Variants in SLC25A6 observed in about 807,000 individuals in gnomAD.
SLC25A6 encodes the protein solute carrier family 25 member 6, also known as ADP/ATP translocase 3.
Under a neutral mutation model 25.7 loss-of-function variants are expected in SLC25A6, and 9 were observed. The ratio of observed to expected loss-of-function variants is 0.35; its 90% CI spans 0.21 to 0.61. SLC25A6 has a LOEUF of 0.61. Among genes scored for constraint, SLC25A6 ranks in the 20% least tolerant of loss-of-function variants. SLC25A6 has a pLI of 0.76. For synonymous variants in SLC25A6, 223 were observed against 197.0 expected, an observed-to-expected ratio of 1.13 and a Z score of -1.11; for missense variants, 404 against 440.5, an observed-to-expected ratio of 0.92 and a Z score of 0.74.
In SLC25A6 at chrX:1,386,446, T is replaced by G. The variant is rs1269761341; in HGVS notation, c.*156A>C. The G allele has an allele frequency of 4.7e-6, 5 of 1,052,930 alleles. No homozygotes were observed. The highest frequency in any genetic ancestry group is 3.2e-5 in the Admixed American group (1 of 30,800). 65.2% of individuals were successfully genotyped at this position (1,052,930 alleles called of 1,614,324 possible). On this transcript the variant is annotated 3_prime_UTR_variant, in exon 4 of 4. Transcript: ENST00000381401. ...CGATGGTTGGATCGCAATGCGCCCC[T>G]TTTCTAGAGCCTTCCCCGGCCATCT...
At position 1,386,464 on chromosome X, in the gene SLC25A6, G is replaced by A. The variant is rs753635916; in HGVS notation, c.*138C>T. ...GCGCCCCTTTTCTAGAGCCTTCCCC[G>A]GCCATCTACAGGCAGGATGCGGCTG... On this transcript the variant is annotated 3_prime_UTR_variant, in exon 4 of 4. Transcript: ENST00000381401. 6.5e-5 allele frequency: 75 copies of A among 1,158,958 alleles called. No homozygotes were observed. In the East Asian group the frequency reaches 1.2e-3, roughly 19 times the overall value. The allele number at this position is 1,158,958 out of a possible 1,614,324, so 71.8% of individuals were successfully genotyped here.
In SLC25A6 at chrX:1,386,502, C is replaced by T. The variant is rs1192912299; in HGVS notation, c.*100G>A. ...CAGGATGCGGCTGGGAAAAAGACAA[C>T]TGGAATTTCTCGAAGGTTGATGGTC... On this transcript the variant is annotated 3_prime_UTR_variant, in exon 4 of 4. Transcript: ENST00000381401. 20 of 1,335,192 alleles carry T rather than the reference C, an allele frequency of 1.5e-5. No individual in the cohort carries two copies. The highest frequency in any genetic ancestry group is 2.3e-5 in the South Asian group (1 of 43,790). 82.7% of individuals were successfully genotyped at this position (1,335,192 alleles called of 1,614,324 possible).
chrX:1,386,574 T>C lies in SLC25A6; in HGVS notation c.*28A>G. ...TGGTTCTCTTGGTTCCCCTGGTGTGTGTGTGTGTGTGGAGGAGGCCGCGGC... is the reference window on the plus strand; with the variant it reads ...TGGTTCTCTTGGTTCCCCTGGTGTGCGTGTGTGTGTGGAGGAGGCCGCGGC... On this transcript the variant is annotated 3_prime_UTR_variant, in exon 4 of 4. Coordinates refer to ENST00000381401, the MANE Select transcript of SLC25A6 (RefSeq NM_001636.4). 1 of 1,514,994 alleles carries C rather than the reference T, an allele frequency of 6.6e-7. No homozygotes were observed. Among genetic ancestry groups the C allele is most frequent in the Non-Finnish European group, 8.8e-7 (1 of 1,133,214 alleles). The allele number at this position is 1,514,994 out of a possible 1,614,324, so 93.8% of individuals were successfully genotyped here. A position where few individuals can be genotyped will look rare whatever the true frequency, so the allele number is the denominator to read the frequency against.
intron 3 of SLC25A6, 79 bp downstream of exon 3, chrX:1,387,200 T>C: frequency 6.4e-7 from 1 of 1,559,086 alleles, no homozygotes; most frequent in Non-Finnish European, 8.7e-7. Flanking sequence ...CCTTTGATGG[T>C]TCCTGACCTC....
chrX:1,389,274 C>A lies in SLC25A6; in HGVS notation c.565G>T (p.Ala189Ser). ...GTATCGTACACGCCGAAGTAGGCCG[C>A]CCGGTAGATGATGATGCCCTGCACG... ...VSVQGIIIYR[A>S]AYFGVYDTAK... The change falls in exon 2 of 4, where the codon GCG becomes TCG. Residue 189 changes from alanine (A) to serine (S), a missense_variant. Physicochemically the swap from Ala to Ser is moderately conservative, Grantham distance 99. Transcript: ENST00000381401. 1 of 1,613,792 alleles carries A rather than the reference C, an allele frequency of 6.2e-7. No individual in the cohort carries two copies. The highest frequency in any genetic ancestry group is 8.5e-7 in the Non-Finnish European group (1 of 1,179,804).
At chrX:1,390,061 GA>G in intron 1 of SLC25A6, 3 of 411,124 alleles carry the variant, frequency 7.3e-6, no homozygotes, top group Admixed American at 8.0e-5. Context: ...ACCCGGGTTT[GA>G]GTGTAGTGGT....
chrX:1,387,773 A>C, intron 2 of SLC25A6, among the ~76,000 whole-genome samples: 2 of 150,494 alleles, frequency 1.3e-5, no homozygotes, highest in Non-Finnish European at 3.0e-5. Context: ...TCCCACCCCC[A>C]CCCCAGGACC....
intron 3 of SLC25A6, 113 bp downstream of exon 3, chrX:1,387,166 G>A: frequency 7.5e-7 from 1 of 1,329,446 alleles, no homozygotes; most frequent in East Asian, 2.3e-5. Flanking sequence ...ACACTTGCTT[G>A]TCTCACACGC....
chrX:1,388,317 G>A (rs1240508549), intron 2 of SLC25A6, among the ~76,000 whole-genome samples: 1 of 151,130 alleles, frequency 6.6e-6, no homozygotes, highest in Non-Finnish European at 1.5e-5. Flanking sequence ...TTCTGTGATA[G>A]CAGCCTCAAA....
Position 1,392,078 on chromosome X carries a change from C to G in SLC25A6, c.-69G>C, listed in dbSNP as rs1212866401. 8.2e-7 allele frequency: 1 copy of G among 1,213,858 alleles called. No homozygotes were observed. The highest frequency in any genetic ancestry group is 2.6e-5 in the East Asian group (1 of 38,710). The allele number at this position is 1,213,858 out of a possible 1,614,324, so 75.2% of individuals were successfully genotyped here. On this transcript the variant is annotated 5_prime_UTR_variant, in exon 1 of 4. Transcript: ENST00000381401. ...GGCGCGGAGAGTGAATGGAGGGCGT[C>G]GCTGGCTCAGCCCTGCCGCCGCCTG...
Position 1,389,272 on chromosome X carries a change from C to G in SLC25A6, c.567G>C (p.Ala189=). 6.2e-7 allele frequency: 1 copy of G among 1,613,728 alleles called. No homozygotes were observed. The highest frequency in any genetic ancestry group is 8.5e-7 in the Non-Finnish European group (1 of 1,179,798). ...CCGTATCGTACACGCCGAAGTAGGC[C>G]GCCCGGTAGATGATGATGCCCTGCA... ...VSVQGIIIYR[A]AYFGVYDTAK... is the part of the protein sequence containing the mutation. Residue 189 remains alanine, a synonymous_variant, in exon 2 of 4, where the codon GCG becomes GCC. Transcript: ENST00000381401.
At chrX:1,389,156 CTCAGACCT>C in intron 2 of SLC25A6, 77 bp downstream of exon 2, 1 of 1,485,010 alleles carries the variant, frequency 6.7e-7, no homozygotes, top group Non-Finnish European at 9.1e-7. Context: ...CACACCTTAT[CTCAGACCT>C]TCAGCCCACA....
chrX:1,387,727 G>A (rs1304990474), intron 2 of SLC25A6, among the ~76,000 whole-genome samples: 1 of 152,194 alleles, frequency 6.6e-6, no homozygotes, highest in Non-Finnish European at 1.5e-5. Context: ...GTTACTATGG[G>A]AGTTACACTC....
chrX:1,386,416 G>C lies in SLC25A6; in HGVS notation c.*186C>G. The C allele has an allele frequency of 1.4e-6, 1 of 721,492 alleles. No homozygotes were observed. The highest frequency in any genetic ancestry group is 3.0e-5 in the South Asian group (1 of 32,916). 44.7% of individuals were successfully genotyped at this position (721,492 alleles called of 1,614,324 possible). A position where few individuals can be genotyped will look rare whatever the true frequency, so the allele number is the denominator to read the frequency against. On this transcript the variant is annotated 3_prime_UTR_variant, in exon 4 of 4. Transcript: ENST00000381401. ...ACCCCGTGATCAAGACACGGAATCGGCTGCCGATGGTTGGATCGCAATGCG... is the reference window on the plus strand; with the variant it reads ...ACCCCGTGATCAAGACACGGAATCGCCTGCCGATGGTTGGATCGCAATGCG...
At chrX:1,387,255 A>G in intron 3 of SLC25A6, 24 bp downstream of exon 3, 1 of 1,607,812 alleles carries the variant, frequency 6.2e-7, no homozygotes. Context: ...CCCGGCAGCA[A>G]GGGTCCCCCG....
At position 1,387,181 on chromosome X, in the gene SLC25A6, G is replaced by C. The variant is rs1449057673; in HGVS notation, c.739+98C>G. ...ACACTTGCTTGTCTCACACGCCCTG[G>C]AAGTGCCTCCTTTGATGGTTCCTGA... On this transcript the variant is annotated intron_variant, in intron 3 of 3. Transcript: ENST00000381401. 2.1e-5 allele frequency: 30 copies of C among 1,459,870 alleles called. No individual in the cohort carries two copies. In the South Asian group the frequency reaches 2.2e-4, roughly 11 times the overall value. 90.4% of individuals were successfully genotyped at this position (1,459,870 alleles called of 1,614,324 possible).
intron 3 of SLC25A6, 142 bp from the exon 4 acceptor site, chrX:1,386,901 G>A (rs757095357): frequency 3.9e-6 from 4 of 1,036,504 alleles, no homozygotes; most frequent in Admixed American, 4.8e-5. Context: ...GATACCTGAG[G>A]CTCCCCCAGC....
At chrX:1,387,136 C>G (rs1254090173) in intron 3 of SLC25A6, 143 bp downstream of exon 3, 9 of 1,054,376 alleles carry the variant, frequency 8.5e-6, no homozygotes, top group Non-Finnish European at 1.2e-5. Context: ...TCCTTCCACA[C>G]AGCCAGGTTA....
intron 2 of SLC25A6, among the ~76,000 whole-genome samples, chrX:1,387,910 A>G (rs1478364933): frequency 3.7e-4 from 56 of 152,148 alleles, no homozygotes; most frequent in Admixed American, 4.6e-4. Context: ...AGACACACGG[A>G]GGGATGACCC....
Sources: gnomAD v4.1 joint callset for allele counts (sites outside exome capture counted in the v4.1 genomes callset) on GRCh38, gnomAD v4.1.1 for gene constraint, MANE v1.5 for transcripts, NCBI Gene and HGNC (gene_info 2026-07-23, HGNC 2026-07-21) for gene names.